The following CRYL1 variants were observed in gnomAD, a reference collection of about 807,000 sequenced individuals.
CRYL1 encodes lambda-crystallin homolog.
In CRYL1, 29 loss-of-function variants were observed where a neutral mutation model predicts 36.6. That is an observed-to-expected ratio of 0.79 (90% CI 0.59 to 1.08). The LOEUF (loss-of-function observed/expected upper bound fraction) is 1.08, where lower values mean the gene tolerates loss of function less well. CRYL1 is among the 50% of genes least tolerant of loss of function. The probability of loss-of-function intolerance (pLI) is 0.00; values close to 1 mark genes in which losing one functional copy is unlikely to be tolerated. For synonymous variants in CRYL1, 152 were observed against 151.5 expected (o/e 1.00, Z -0.02); for missense variants, 411 against 407.9 (o/e 1.01, Z -0.06).
At chr13:20,474,645 T>A (rs1229552142) in intron 3 of CRYL1, among the ~76,000 whole-genome samples, 1 of 152,114 alleles carries the variant, frequency 6.6e-6, no homozygotes, top group Non-Finnish European at 1.5e-5. Context: ...AATAAAATGC[T>A]CCTGGCCCCT....
intron 6 of CRYL1, among the ~76,000 whole-genome samples, chr13:20,407,012 C>G (rs2031395351): frequency 6.6e-6 from 1 of 151,178 alleles, no homozygotes; most frequent in Admixed American, 6.6e-5. Flanking sequence ...CTTTCTAGAA[C>G]TTTCTTTCCT....
intron 4 of CRYL1, 79 bp downstream of exon 4, chr13:20,439,514 C>CACAAAAAAAAAAAAAAAAAAAAAAAAA: frequency 3.0e-6 from 1 of 330,904 alleles, no homozygotes; most frequent in Non-Finnish European, 4.6e-6. Context: ...CCCTCCCCCG[C>CACAAAAAAAAAAAAAAAAAAAAAAAAA]AAAAAAAAAA....
At chr13:20,513,922 A>G (rs2033957090) in intron 1 of CRYL1, among the ~76,000 whole-genome samples, 1 of 151,898 alleles carries the variant, frequency 6.6e-6, no homozygotes, top group African/African-American at 2.4e-5. Context: ...TAAAAAAAAA[A>G]AAAAAAACGC....
At chr13:20,509,187 T>TAAAAAAAAAAAAAAAAAA in intron 2 of CRYL1, among the ~76,000 whole-genome samples, 1 of 129,138 alleles carries the variant, frequency 7.7e-6, no homozygotes. Context: ...AGAGCAAAAC[T>TAAAAAAAAAAAAAAAAAA]CAATCCCCAA....
intron 3 of CRYL1, among the ~76,000 whole-genome samples, chr13:20,456,637 C>CACA (rs72511414): frequency 3.1e-5 from 1 of 32,274 alleles, no homozygotes; most frequent in African/African-American, 1.7e-4. Flanking sequence ...CACACACACA[C>CACA]AAAGACCACG....
At chr13:20,416,933 C>A (rs2031683581) in intron 5 of CRYL1, among the ~76,000 whole-genome samples, 1 of 152,174 alleles carries the variant, frequency 6.6e-6, no homozygotes, top group Non-Finnish European at 1.5e-5. Flanking sequence ...GGTCTTCCAT[C>A]AGTCACTATT....
chr13:20,506,951 A>G (rs948132965), intron 2 of CRYL1, among the ~76,000 whole-genome samples: 6 of 152,148 alleles, frequency 3.9e-5, no homozygotes, highest in Non-Finnish European at 8.8e-5. Flanking sequence ...GAGATAACTG[A>G]ATCACAGGGG....
Position 20,420,701 on chromosome 13 carries a change from T to TTTTTTTTTTTTTTTTTTTTGTG in CRYL1, c.634-7315_634-7314insCACAAAAAAAAAAAAAAAAAAA. 3.7e-4 allele frequency among the ~76,000 whole-genome samples: 8 copies of TTTTTTTTTTTTTTTTTTTTGTG among 21,872 alleles called. 2 individuals are homozygous for TTTTTTTTTTTTTTTTTTTTGTG. The highest frequency in any genetic ancestry group is 6.5e-3 in the South Asian group (2 of 306). The allele number at this position is 21,872 out of a possible 152,430, so 14.3% of individuals were successfully genotyped here. A position where few individuals can be genotyped will look rare whatever the true frequency, so the allele number is the denominator to read the frequency against. On this transcript the variant is annotated intron_variant, in intron 5 of 7. Transcript: ENST00000298248. ...CTTTGACTTTTCTTTAAAATAGAGG[T>TTTTTTTTTTTTTTTTTTTTGTG]TGTGTGTGTGTGTGTGTGTGTGTGT...
chr13:20,466,256 A>G (rs1391859329), intron 3 of CRYL1, among the ~76,000 whole-genome samples: 3 of 152,252 alleles, frequency 2.0e-5, no homozygotes, highest in Non-Finnish European at 4.4e-5. Flanking sequence ...AGAGGGGATT[A>G]GGAATTCTTA....
rs114025622 is a variant in CRYL1, at chr13:20,470,433, G to C, written c.276+18937C>G. Reference sequence around the variant, plus strand: ...CCCTCAAAGGCGCTGAGCTGGACAAGAGCAGTGACATCGTCCAATCTTCTG... The same window carrying C: ...CCCTCAAAGGCGCTGAGCTGGACAACAGCAGTGACATCGTCCAATCTTCTG... On this transcript the variant is annotated intron_variant, in intron 3 of 7. Coordinates refer to ENST00000298248, the MANE Select transcript of CRYL1 (RefSeq NM_015974.3). Among the ~76,000 whole-genome samples, 1,476 of 152,330 alleles carry C rather than the reference G, an allele frequency of 9.7e-3. 25 individuals are homozygous for C. The highest frequency in any genetic ancestry group is 0.033 in the African/African-American group (1,374 of 41,566).
At chr13:20,518,361 C>T (rs921525568) in intron 1 of CRYL1, among the ~76,000 whole-genome samples, 2 of 152,060 alleles carry the variant, frequency 1.3e-5, no homozygotes, top group Admixed American at 6.6e-5. Flanking sequence ...ATTTTAGCAA[C>T]GGAGGTAAGG....
At chr13:20,426,121 C>T (rs1370941977) in intron 5 of CRYL1, among the ~76,000 whole-genome samples, 1 of 152,064 alleles carries the variant, frequency 6.6e-6, no homozygotes, top group Non-Finnish European at 1.5e-5. Flanking sequence ...AAGGGAGATC[C>T]CCTGGGGCGT....
intron 2 of CRYL1, among the ~76,000 whole-genome samples, chr13:20,509,730 C>G (rs998928384): frequency 6.6e-6 from 1 of 152,086 alleles, no homozygotes; most frequent in African/African-American, 2.4e-5. Flanking sequence ...GAGTTTGAGA[C>G]CAGCCTGGTC....
intron 2 of CRYL1, among the ~76,000 whole-genome samples, chr13:20,492,067 G>T (rs1405458721): frequency 2.0e-5 from 3 of 152,180 alleles, no homozygotes; most frequent in African/African-American, 7.2e-5. Context: ...AGGAAACGCA[G>T]ACATTCACGG....
At chr13:20,500,095 T>C (rs2033677527) in intron 2 of CRYL1, among the ~76,000 whole-genome samples, 2 of 152,236 alleles carry the variant, frequency 1.3e-5, no homozygotes, top group African/African-American at 4.8e-5. Flanking sequence ...TTCACAAAGA[T>C]GGCTAACTCA....
chr13:20,515,649 G>A (rs910251316), intron 1 of CRYL1: 5 of 152,044 alleles, frequency 3.3e-5, no homozygotes, highest in African/African-American at 1.2e-4. Context: ...CAACACAGAT[G>A]AATCTTGAGC....
chr13:20,464,437 A>G (rs953339773), intron 3 of CRYL1, among the ~76,000 whole-genome samples: 1 of 152,200 alleles, frequency 6.6e-6, no homozygotes, highest in Non-Finnish European at 1.5e-5. Flanking sequence ...TTTAAAGCAT[A>G]CAAAATAGTG....
At chr13:20,456,355 C>T (rs1390658448) in intron 3 of CRYL1, among the ~76,000 whole-genome samples, 1 of 151,738 alleles carries the variant, frequency 6.6e-6, no homozygotes, top group Non-Finnish European at 1.5e-5. Flanking sequence ...AGCCTGTAAT[C>T]CCAGCTACTC....
intron 5 of CRYL1, among the ~76,000 whole-genome samples, chr13:20,420,707 G>T (rs374378061): frequency 0.57 from 16,135 of 28,502 alleles, 4,444 homozygotes; most frequent in South Asian, 0.74. Context: ...GAGGTTGTGT[G>T]TGTGTGTGTG....
Sources: allele counts gnomAD v4.1 joint callset (sites outside exome capture counted in the v4.1 genomes callset), GRCh38; gene constraint gnomAD v4.1.1; transcripts MANE v1.5; gene names NCBI Gene and HGNC (gene_info 2026-07-23, HGNC 2026-07-21).